WNT5B: variants seen among roughly 807,000 people sequenced by gnomAD.
WNT5B encodes protein Wnt-5b.
A neutral mutation model predicts 36.5 loss-of-function variants in WNT5B; 18 were observed. The ratio of observed to expected loss-of-function variants is 0.49; its 90% confidence interval spans 0.34 to 0.73. The LOEUF (loss-of-function observed/expected upper bound fraction) is 0.73, where lower values mean the gene tolerates loss of function less well. Among genes scored for constraint, WNT5B ranks in the 30% least tolerant of loss-of-function variants. The pLI, the probability that WNT5B is intolerant of heterozygous loss-of-function variation, is 0.01. For synonymous variants in WNT5B, 213 were observed against 212.3 expected, an observed-to-expected ratio of 1.00 and a Z score of -0.03; for missense variants, 424 against 508.4, an observed-to-expected ratio of 0.83 and a Z score of 1.60.
chr12:1,620,757 G>T (rs1247377706), intron 1 of WNT5B, among the ~76,000 whole-genome samples: 1 of 147,634 alleles, frequency 6.8e-6, no homozygotes, highest in African/African-American at 2.5e-5. Flanking sequence ...AGGCTGGGGT[G>T]CAATGGCACG....
chr12:1,637,545 G>A (rs1017315130), intron 3 of WNT5B, among the ~76,000 whole-genome samples: 11 of 148,600 alleles, frequency 7.4e-5, no homozygotes, highest in African/African-American at 2.8e-4. Flanking sequence ...AGACCAGCCT[G>A]GCCAAGATGG....
At chr12:1,624,126 C>A (rs575226319) in intron 1 of WNT5B, among the ~76,000 whole-genome samples, 1 of 152,292 alleles carries the variant, frequency 6.6e-6, no homozygotes, top group South Asian at 2.1e-4. Flanking sequence ...GCGGCTCACG[C>A]CTGTAATCCC....
At chr12:1,623,923 T>C (rs2094537710) in intron 1 of WNT5B, among the ~76,000 whole-genome samples, 1 of 152,224 alleles carries the variant, frequency 6.6e-6, no homozygotes, top group Admixed American at 6.5e-5. Flanking sequence ...GGGAGAAGTC[T>C]AGTTCTTTCC....
intron 1 of WNT5B, among the ~76,000 whole-genome samples, chr12:1,623,130 G>C (rs1050431841): frequency 7.3e-5 from 11 of 151,228 alleles, no homozygotes; most frequent in African/African-American, 2.7e-4. Context: ...ATGTAATGGG[G>C]TGAGGAGTTA....
At chr12:1,631,073 G>A (rs572419552) in intron 1 of WNT5B, 1 of 303,278 alleles carries the variant, frequency 3.3e-6, no homozygotes, top group South Asian at 1.2e-4. Context: ...TTATTTCTTT[G>A]GAAATTAGGT....
intron 4 of WNT5B, among the ~76,000 whole-genome samples, chr12:1,641,782 C>T (rs535971641): frequency 5.3e-5 from 8 of 151,384 alleles, no homozygotes; most frequent in East Asian, 1.9e-4. Context: ...GGCAACAGAG[C>T]GAGACTCTGT....
At chr12:1,626,569 A>AT (rs1161632450), upstream of WNT5B, among the ~76,000 whole-genome samples, 9,206 of 116,774 alleles carry the variant, frequency 0.079, 799 homozygotes, top group African/African-American at 0.24. Context: ...GGCCAAGTGT[A>AT]TTTTTTTTTT....
At position 1,631,391 on chromosome 12, in the gene WNT5B, C is replaced by T. The variant is rs2094550571; in HGVS notation, c.37C>T (p.Leu13=). The T allele has an allele frequency of 3.7e-6, 6 of 1,614,180 alleles. No homozygotes were observed. Among genetic ancestry groups the T allele is most frequent in the Non-Finnish European group, 5.1e-6 (6 of 1,180,028 alleles). Residue 13 remains leucine, a synonymous_variant, in exon 2 of 5, where the codon CTG becomes TTG. Transcript: ENST00000397196. ...GCTGCTGCTGTTCACGGCTGCTCTGCTGTCCAGCTGGGCTCAGCTTCTGAC... is the reference window on the plus strand; with the variant it reads ...GCTGCTGCTGTTCACGGCTGCTCTGTTGTCCAGCTGGGCTCAGCTTCTGAC... The part of the protein sequence containing the change: ...SLLLLFTAAL[L]SSWAQLLTDA...
intron 1 of WNT5B, among the ~76,000 whole-genome samples, chr12:1,623,096 C>T (rs556723674): frequency 1.2e-4 from 18 of 145,506 alleles, no homozygotes; most frequent in Non-Finnish European, 2.2e-4. Flanking sequence ...GAAAGGTTGG[C>T]GGGGCCAGAT....
intron 3 of WNT5B, among the ~76,000 whole-genome samples, chr12:1,635,596 A>G (rs2094559112): frequency 6.6e-6 from 1 of 152,196 alleles, no homozygotes; most frequent in Admixed American, 6.5e-5. Flanking sequence ...GTGTAGAGGG[A>G]AAGCTTCCGG....
At chr12:1,634,646 A>G (rs1243048300) in intron 3 of WNT5B, among the ~76,000 whole-genome samples, 3 of 152,148 alleles carry the variant, frequency 2.0e-5, no homozygotes, top group African/African-American at 7.2e-5. Flanking sequence ...CTGAAGGCTC[A>G]TGCTACCTAG....
At position 1,639,432 on chromosome 12, in the gene WNT5B, G is replaced by T. The variant is rs375485212; in HGVS notation, c.329-252G>T. ...GGATTACGGGCTGAGCCACCGCGCCGGGCCAGGGACTTGTTTTCTTCCGGG... is the reference window on the plus strand; with the variant it reads ...GGATTACGGGCTGAGCCACCGCGCCTGGCCAGGGACTTGTTTTCTTCCGGG... On this transcript the variant is annotated intron_variant, in intron 3 of 4. Coordinates refer to ENST00000397196, the MANE Select transcript of WNT5B (RefSeq NM_032642.3). Among the ~76,000 whole-genome samples the T allele has an allele frequency of 5.9e-5, 9 of 151,788 alleles. 1 individual carries two copies. The highest frequency in any genetic ancestry group is 2.2e-4 in the African/African-American group (9 of 41,348).
chr12:1,628,161 T>A (rs1421534109), upstream of WNT5B, among the ~76,000 whole-genome samples: 1 of 88,200 alleles, frequency 1.1e-5, no homozygotes, highest in Admixed American at 1.1e-4. Flanking sequence ...TGACTCCCAC[T>A]TTTTTTTTTT....
rs906923865 is a variant in WNT5B, at chr12:1,639,689, C to T, written c.334C>T (p.Arg112Ter). Residue 112 changes from arginine to a stop codon, truncating the protein, a stop_gained, in exon 4 of 5, where the codon CGA (arginine) becomes TGA (stop). Coordinates refer to ENST00000397196, the MANE Select transcript of WNT5B (RefSeq NM_032642.3). LOFTEE classifies it high-confidence loss of function. ...VFGRVMQIGS[R>*]ETAFTHAVSA... is the part of the protein sequence containing the mutation. ...GCCCTGGCCTCATTCTGCAGGCAGC[C>T]GAGAGACCGCCTTCACCCACGCGGT... 1 of 1,557,242 alleles carries T rather than the reference C, an allele frequency of 6.4e-7. No homozygotes were observed.
At chr12:1,645,754 C>G (rs764405644) in intron 4 of WNT5B, 40 bp from the exon 5 acceptor site, 1 of 1,534,286 alleles carries the variant, frequency 6.5e-7, no homozygotes, top group East Asian at 2.3e-5. Context: ...CCTCTTCCAC[C>G]GGGATCCTCC....
intron 1 of WNT5B, among the ~76,000 whole-genome samples, chr12:1,617,312 A>AT (rs2094528221): frequency 1.4e-5 from 2 of 148,000 alleles, no homozygotes; most frequent in Non-Finnish European, 3.0e-5. Context: ...TAATATATAA[A>AT]ATATATATAT....
Position 1,630,322 on chromosome 12 carries a change from G to C in WNT5B, c.-58+951G>C. 6.3e-6 allele frequency: 5 copies of C among 799,844 alleles called. No individual in the cohort carries two copies. Among genetic ancestry groups the C allele is most frequent in the Non-Finnish European group, 7.6e-6 (5 of 660,216 alleles). 49.5% of individuals were successfully genotyped at this position (799,844 alleles called of 1,614,324 possible). A position where few individuals can be genotyped will look rare whatever the true frequency, so the allele number is the denominator to read the frequency against. On this transcript the variant is annotated intron_variant, in intron 1 of 4. Transcript: ENST00000397196. This position sits in a 1 kb window ranked among gnomAD's most constrained non-coding sequence, Gnocchi z 5.3. ...GAGCCGCAGGGGCCGTGTGTCCCGA[G>C]GCGCAGGCTCGCTCTAGCAGCACTG...
At chr12:1,622,563 A>G (rs1170374090) in intron 1 of WNT5B, among the ~76,000 whole-genome samples, 1 of 152,184 alleles carries the variant, frequency 6.6e-6, no homozygotes, top group Non-Finnish European at 1.5e-5. Flanking sequence ...CCTCACAGCA[A>G]ATGGACCAAG....
chr12:1,641,019 C>G (rs570222125), intron 4 of WNT5B, among the ~76,000 whole-genome samples: 10 of 152,302 alleles, frequency 6.6e-5, no homozygotes, highest in African/African-American at 2.4e-4. Flanking sequence ...GTTGTCCCCA[C>G]TCGGGTCTAT....
Sources: gnomAD v4.1 joint callset for allele counts (sites outside exome capture counted in the v4.1 genomes callset) on GRCh38, gnomAD v4.1.1 for gene constraint, Gnocchi (gnomAD v3.1) non-coding constraint, MANE v1.5 for transcripts, NCBI Gene and HGNC (gene_info 2026-07-23, HGNC 2026-07-21) for gene names.